Variants in ATP8A2 observed in about 807,000 individuals in gnomAD.
The protein encoded by ATP8A2 is ATPase phospholipid transporting 8A2.
ATP8A2 carries 100 observed loss-of-function variants against 165.6 expected under a neutral mutation model. That is an observed-to-expected ratio of 0.60 (90% CI 0.51 to 0.71). The LOEUF (loss-of-function observed/expected upper bound fraction) is 0.71. Among genes scored for constraint, ATP8A2 ranks in the 30% least tolerant of loss-of-function variants. ATP8A2 has a pLI of 0.00. For missense variants in ATP8A2, 1,227 were observed against 1,479.5 expected (o/e 0.83, Z 2.80); for synonymous variants, 543 against 548.8 (o/e 0.99, Z 0.15).
chr13:25,410,066 GA>G (rs1363843217), intron 1 of ATP8A2, among the ~76,000 whole-genome samples: 1 of 150,396 alleles, frequency 6.6e-6, no homozygotes, highest in Non-Finnish European at 1.5e-5. Flanking sequence ...ATGATTTTCT[GA>G]ATACATCACA....
intron 1 of ATP8A2, among the ~76,000 whole-genome samples, chr13:25,465,558 AT>A (rs35250359): frequency 0.015 from 2,166 of 140,394 alleles, 35 homozygotes; most frequent in African/African-American, 0.046. Flanking sequence ...TTTATCAGTG[AT>A]TTTTTTTTTT....
intron 27 of ATP8A2, among the ~76,000 whole-genome samples, chr13:25,791,733 G>T (rs185865221): frequency 6.6e-6 from 1 of 152,260 alleles, no homozygotes; most frequent in Admixed American, 6.5e-5. Flanking sequence ...TTTGCCTTCT[G>T]TGGAGCTCTT....
chr13:25,724,346 G>A (rs1012346432), intron 25 of ATP8A2, among the ~76,000 whole-genome samples: 9 of 152,158 alleles, frequency 5.9e-5, no homozygotes, highest in Non-Finnish European at 1.0e-4. Flanking sequence ...ACTAACAAGC[G>A]GTAGAAATGG....
At chr13:25,800,432 A>G (rs373797624) in intron 27 of ATP8A2, among the ~76,000 whole-genome samples, 8 of 152,302 alleles carry the variant, frequency 5.3e-5, no homozygotes, top group African/African-American at 1.9e-4. Flanking sequence ...GCCAGACATT[A>G]TTGCACAGTA....
At chr13:25,478,784 A>T (rs2036069651) in intron 2 of ATP8A2, among the ~76,000 whole-genome samples, 1 of 151,774 alleles carries the variant, frequency 6.6e-6, no homozygotes, top group Non-Finnish European at 1.5e-5. Context: ...AGTGGACCTA[A>T]CTCTCATGTA....
At chr13:25,652,156 G>C (rs1593139568) in intron 24 of ATP8A2, among the ~76,000 whole-genome samples, 1 of 152,278 alleles carries the variant, frequency 6.6e-6, no homozygotes, top group East Asian at 1.9e-4. Flanking sequence ...AAATGTAGGG[G>C]TGGGATGGGG....
intron 2 of ATP8A2, among the ~76,000 whole-genome samples, chr13:25,494,588 AG>A (rs1461823029): frequency 6.6e-6 from 1 of 152,172 alleles, no homozygotes; most frequent in Non-Finnish European, 1.5e-5. Context: ...TATGAGGGGC[AG>A]GCTCTGTGGT....
intron 33 of ATP8A2, among the ~76,000 whole-genome samples, chr13:25,885,403 G>A (rs867063174): frequency 7.9e-5 from 12 of 151,940 alleles, no homozygotes; most frequent in African/African-American, 2.7e-4. Context: ...ATGAGCCACC[G>A]CACCAAGCCC....
intron 33 of ATP8A2, among the ~76,000 whole-genome samples, chr13:25,912,155 GACAC>G (rs3056187): frequency 0.083 from 11,645 of 140,696 alleles, 485 homozygotes; most frequent in African/African-American, 0.12. Context: ...GAAAATGTGA[GACAC>G]ACACACACAC....
At chr13:25,609,534 G>GGGACTCAAATATATATATATATATTT (rs2040603640) in intron 24 of ATP8A2, among the ~76,000 whole-genome samples, 2 of 42,220 alleles carry the variant, frequency 4.7e-5, no homozygotes, top group Non-Finnish European at 7.2e-5. Context: ...ATATATATTT[G>GGGACTCAAATATATATATATATATTT]GGATTCAAAT....
intron 2 of ATP8A2, among the ~76,000 whole-genome samples, chr13:25,507,992 G>A (rs768605293): frequency 3.9e-5 from 6 of 152,126 alleles, no homozygotes; most frequent in Non-Finnish European, 7.4e-5. Context: ...GCTCACAAAT[G>A]TATGAAAATA....
rs2138137148 is a variant in ATP8A2, at chr13:25,563,980, T to C, written c.1422T>C (p.Asp474=). The change falls in exon 16 of 37, where the codon GAT becomes GAC. Residue 474 remains aspartate (D), a synonymous_variant. Coordinates refer to ENST00000381655, the MANE Select transcript of ATP8A2 (RefSeq NM_016529.6). ...DFCRMPPPCS[D]SCDFDDPRLL... is the part of the protein sequence containing the mutation. ...GTCGGATGCCTCCTCCCTGTAGTGA[T>C]TCCTGTGACTTTGATGACCCCAGGC... 1 of 1,613,276 alleles carries C rather than the reference T, an allele frequency of 6.2e-7. No individual in the cohort carries two copies. Among genetic ancestry groups the C allele is most frequent in the Non-Finnish European group, 8.5e-7 (1 of 1,179,196 alleles).
rs77707039 is a variant in ATP8A2 at position 25,961,279 on chromosome 13, C to T, written c.3184-296C>T. ...AGCAGTGTTGGTGACTCCAACAGCT[C>T]TCTTTAGGAAGGATTTAAGACAACA... On this transcript the variant is annotated intron_variant, in intron 33 of 36. Transcript: ENST00000381655. 9.8e-3 allele frequency among the ~76,000 whole-genome samples: 1,496 copies of T among 152,258 alleles called. 7 individuals are homozygous for T. Among genetic ancestry groups the T allele is most frequent in the Middle Eastern group, 0.051 (15 of 294 alleles).
intron 1 of ATP8A2, among the ~76,000 whole-genome samples, chr13:25,439,307 G>A (rs1366622708): frequency 6.6e-6 from 1 of 152,140 alleles, no homozygotes; most frequent in Non-Finnish European, 1.5e-5. Flanking sequence ...ATCTTCCCGG[G>A]AGGCAGGAAA....
chr13:25,848,112 C>T (rs61949367), intron 30 of ATP8A2, among the ~76,000 whole-genome samples: 1 of 152,204 alleles, frequency 6.6e-6, no homozygotes, highest in African/African-American at 2.4e-5. Context: ...AGCTCCGTGG[C>T]GCTACCTGGC....
intron 33 of ATP8A2, among the ~76,000 whole-genome samples, chr13:25,904,124 C>T (rs1953855686): frequency 6.6e-6 from 1 of 152,176 alleles, no homozygotes; most frequent in Non-Finnish European, 1.5e-5. Flanking sequence ...ACCTGAGATC[C>T]AAAGTGCTCT....
At chr13:25,968,969 G>C (rs1033006814) in intron 35 of ATP8A2, among the ~76,000 whole-genome samples, 3 of 152,156 alleles carry the variant, frequency 2.0e-5, no homozygotes, top group Admixed American at 6.5e-5. Context: ...AGGTGGAAGA[G>C]TCCAGAGTTA....
At chr13:25,669,830 A>G (rs983549513) in intron 24 of ATP8A2, among the ~76,000 whole-genome samples, 3 of 152,154 alleles carry the variant, frequency 2.0e-5, no homozygotes, top group Admixed American at 2.0e-4. Flanking sequence ...CTGAAATGCC[A>G]CTGCAGCCCA....
chr13:25,521,975 C>T (rs138990677), intron 2 of ATP8A2, among the ~76,000 whole-genome samples: 46 of 152,160 alleles, frequency 3.0e-4, no homozygotes, highest in African/African-American at 4.6e-4. Context: ...TCCATATAAA[C>T]GTTAGAATTG....
Sources: gnomAD v4.1 joint callset for allele counts (sites outside exome capture counted in the v4.1 genomes callset) on GRCh38, gnomAD v4.1.1 for gene constraint, MANE v1.5 for transcripts, NCBI Gene and HGNC (gene_info 2026-07-23, HGNC 2026-07-21) for gene names.